The following CYBB variants were observed in gnomAD, a reference collection of about 807,000 sequenced individuals.
The protein encoded by CYBB is cytochrome b-245 beta chain, also known as NADPH oxidase 2.
CYBB carries 5 observed loss-of-function variants against 46.5 expected under a neutral mutation model. The ratio of observed to expected loss-of-function variants is 0.11; its 90% CI spans 0.06 to 0.23. The LOEUF (loss-of-function observed/expected upper bound fraction) is 0.23, where lower values mean the gene tolerates loss of function less well. Among genes scored for constraint, CYBB ranks in the 10% least tolerant of loss-of-function variants. The probability of loss-of-function intolerance (pLI) is 1.00; values close to 1 mark genes in which losing one functional copy is unlikely to be tolerated. For synonymous variants in CYBB, 183 were observed against 156.7 expected (o/e 1.17, Z -1.26); for missense variants, 307 against 428.3 (o/e 0.72, Z 2.50).
At chrX:37,781,845 G>T (rs782814260) in intron 1 of CYBB, among the ~76,000 whole-genome samples, 62 of 111,838 alleles carry the variant, frequency 5.5e-4, no homozygotes, top group Non-Finnish European at 9.4e-4. Context: ...CTGATAATTT[G>T]GTATACTGGC....
chrX:37,801,638 G>C (rs183513168), intron 8 of CYBB, among the ~76,000 whole-genome samples: 1 of 105,675 alleles, frequency 9.5e-6, no homozygotes, highest in African/African-American at 3.4e-5. Context: ...GTTTGTGTCT[G>C]TGTGTCTGTG....
At chrX:37,792,093 G>T (rs1929210666) in intron 4 of CYBB, 34 bp downstream of exon 4, 2 of 965,001 alleles carry the variant, frequency 2.1e-6, no homozygotes, top group Admixed American at 4.4e-5. Context: ...GAACCAGGGA[G>T]TTCCCTCTAT....
At chrX:37,788,259 G>A (rs1049088328) in intron 3 of CYBB, among the ~76,000 whole-genome samples, 3 of 111,487 alleles carry the variant, frequency 2.7e-5, no homozygotes, top group Non-Finnish European at 5.7e-5. Context: ...CTTTAAATTC[G>A]GCGTGCAGGA....
chrX:37,783,599 C>A lies in CYBB; in HGVS notation c.251C>A (p.Ala84Glu). 12 of 1,159,183 alleles carry A rather than the reference C, an allele frequency of 1.0e-5. No homozygotes were observed. Among genetic ancestry groups the A allele is most frequent in the Non-Finnish European group, 1.4e-5 (12 of 847,948 alleles). ...NLLSFLRGSS[A>E]CCSTRVRRQL... is the part of the protein sequence containing the mutation. ...CTGTCCTTCCTCAGGGGTTCCAGTG[C>A]GGTAAGAGAAAATGTTTTACTAAGT... is the stretch of plus-strand genomic sequence containing the variant. The change falls in exon 3 of 13, where the codon GCG (alanine) becomes GAG (glutamate). Residue 84 changes from alanine to glutamate, a missense_variant and splice_region_variant. Physicochemically the swap from Ala to Glu is moderately radical, Grantham distance 107. Transcript: ENST00000378588.
chrX:37,791,976 G>A lies in CYBB; in HGVS notation c.254G>A (p.Cys85Tyr). 1 of 1,199,989 alleles carries A rather than the reference G, an allele frequency of 8.3e-7. No homozygotes were observed. ...LLSFLRGSSA[C>Y]CSTRVRRQLD... ...CATTCTTTCCCCCTTAATCCAAAGT[G>A]CTGCTCAACAAGAGTTCGAAGACAA... The change falls in exon 4 of 13, where the codon TGC becomes TAC. Residue 85 changes from cysteine to tyrosine, a missense_variant and splice_region_variant. Transcript: ENST00000378588.
At chrX:37,791,374 G>T (rs1929194355) in intron 3 of CYBB, among the ~76,000 whole-genome samples, 1 of 111,981 alleles carries the variant, frequency 8.9e-6, no homozygotes, top group Non-Finnish European at 1.9e-5. Context: ...ATTAGTCAAT[G>T]CATGTAAAAC....
chrX:37,786,780 A>G (rs1165708202), intron 3 of CYBB, among the ~76,000 whole-genome samples: 2 of 111,424 alleles, frequency 1.8e-5, no homozygotes, highest in African/African-American at 3.3e-5. Context: ...TCAGAAAGAA[A>G]CAGGAAGGTG....
chrX:37,804,270 C>T (rs1556470908), intron 9 of CYBB, 140 bp downstream of exon 9: 41 of 579,875 alleles, frequency 7.1e-5, no homozygotes, highest in South Asian at 2.8e-5. Context: ...CTGTGGTCAC[C>T]GTTTCATATG....
At chrX:37,782,544 C>G (rs781840416) in intron 2 of CYBB, among the ~76,000 whole-genome samples, 1 of 112,571 alleles carries the variant, frequency 8.9e-6, no homozygotes, top group East Asian at 2.8e-4. Context: ...TCTAAGTCAC[C>G]TAATTCCTAG....
intron 11 of CYBB, among the ~76,000 whole-genome samples, chrX:37,807,728 A>ATG (rs781791311): frequency 9.0e-6 from 1 of 111,203 alleles, no homozygotes; most frequent in African/African-American, 3.3e-5. Flanking sequence ...ATATGCATGT[A>ATG]TGTGTGTGTG....
rs782617967 is a variant in CYBB, at chrX:37,787,864, T to C, written c.253-4111T>C. ...CTTGTGGCTTCTTTTTGGATTTGTT[T>C]GCCATTCCTGTCCACACCAAAGAGG... On this transcript the variant is annotated intron_variant, in intron 3 of 12. Transcript: ENST00000378588. Among the ~76,000 whole-genome samples the C allele has an allele frequency of 1.2e-3, 139 of 111,652 alleles. 1 individual carries two copies. Among genetic ancestry groups the C allele is most frequent in the African/African-American group, 4.4e-3 (135 of 30,698 alleles).
At chrX:37,797,674 T>C (rs1426247318) in intron 6 of CYBB, among the ~76,000 whole-genome samples, 1 of 112,124 alleles carries the variant, frequency 8.9e-6, no homozygotes, top group Admixed American at 9.4e-5. Context: ...GTCTGGCATT[T>C]TTTATACATC....
chrX:37,799,907 A>G (rs782038481), intron 7 of CYBB, among the ~76,000 whole-genome samples: 6 of 111,350 alleles, frequency 5.4e-5, no homozygotes, highest in Middle Eastern at 4.6e-3. Context: ...TAGGCACAGT[A>G]TAACATAAAG....
rs767755266 is a variant in CYBB at position 37,811,269 on chromosome X, C to A, written c.*352C>A. 2.4e-4 allele frequency: 50 copies of A among 208,564 alleles called. No individual in the cohort carries two copies. The highest frequency in any genetic ancestry group is 1.3e-3 in the African/African-American group (44 of 33,403). The allele number at this position is 208,564 out of a possible 1,213,427, so 17.2% of individuals were successfully genotyped here. A position where few individuals can be genotyped will look rare whatever the true frequency, so the allele number is the denominator to read the frequency against. Reference sequence around the variant, plus strand: ...GAAACTGTGACCAGATCTAGCCCATCTTACTCCAGGTTTGATACTCTTTCC... The same window carrying A: ...GAAACTGTGACCAGATCTAGCCCATATTACTCCAGGTTTGATACTCTTTCC... On this transcript the variant is annotated 3_prime_UTR_variant, in exon 13 of 13. Coordinates refer to ENST00000378588, the MANE Select transcript of CYBB (RefSeq NM_000397.4).
chrX:37,783,919 A>T (rs1463626319), intron 3 of CYBB, among the ~76,000 whole-genome samples: 4 of 111,817 alleles, frequency 3.6e-5, no homozygotes, highest in African/African-American at 1.3e-4. Flanking sequence ...AGCTTTAGGA[A>T]GTTGACATGT....
intron 12 of CYBB, 22 bp from the exon 13 acceptor site, chrX:37,810,769 C>CT (rs761807023): frequency 1.3e-4 from 154 of 1,182,091 alleles, no homozygotes; most frequent in Middle Eastern, 2.3e-4. Context: ...TTGAAATTGT[C>CT]TTTTTTTTTC....
At position 37,783,349 on chromosome X, in the gene CYBB, C is replaced by T. The variant is rs148865853; in HGVS notation, c.142-141C>T. 1,932 of 491,870 alleles carry T rather than the reference C, an allele frequency of 3.9e-3. 8 individuals carry two copies. Among genetic ancestry groups the T allele is most frequent in the Non-Finnish European group, 5.1e-3 (1,377 of 271,999 alleles). The allele number at this position is 491,870 out of a possible 1,213,427, so 40.5% of individuals were successfully genotyped here. On this transcript the variant is annotated intron_variant, in intron 2 of 12. Coordinates refer to ENST00000378588, the MANE Select transcript of CYBB (RefSeq NM_000397.4). ...GTCCTAGCTAGCCCTAAAGGAAAAC[C>T]GTTGGCTCTGAAGGACCTTCCTGTA...
In CYBB at chrX:37,812,389, A is replaced by G. The variant is rs1929693512; in HGVS notation, c.*1472A>G. 1 of 111,385 alleles carries G rather than the reference A, an allele frequency of 9.0e-6. No homozygotes were observed. The highest frequency in any genetic ancestry group is 9.6e-5 in the Admixed American group (1 of 10,440). The allele number at this position is 111,385 out of a possible 1,213,427, so 9.2% of individuals were successfully genotyped here. A position where few individuals can be genotyped will look rare whatever the true frequency, so the allele number is the denominator to read the frequency against. ...GGAGAAAGAGCTGGGGGAAGGGCAG[A>G]AGACTGGTTTAGGAGGAAAAGGAAA... On this transcript the variant is annotated 3_prime_UTR_variant, in exon 13 of 13. Transcript: ENST00000378588.
At chrX:37,799,201 A>G in intron 7 of CYBB, 117 bp downstream of exon 7, 6 of 697,800 alleles carry the variant, frequency 8.6e-6, no homozygotes, top group Non-Finnish European at 1.1e-5. Flanking sequence ...AATGTCATGG[A>G]ACAGCTAAAA....
Sources: allele counts gnomAD v4.1 joint callset (sites outside exome capture counted in the v4.1 genomes callset), GRCh38; gene constraint gnomAD v4.1.1; transcripts MANE v1.5; gene names NCBI Gene and HGNC (gene_info 2026-07-23, HGNC 2026-07-21).